The following TUBGCP6 variants were observed in gnomAD, a reference collection of about 807,000 sequenced individuals.
TUBGCP6 encodes tubulin gamma complex component 6.
In TUBGCP6, 161 loss-of-function variants were observed where a neutral mutation model predicts 175.8. The ratio of observed to expected loss-of-function variants is 0.92; its 90% CI spans 0.81 to 1.04. TUBGCP6 has a LOEUF of 1.04. Among genes scored for constraint, TUBGCP6 ranks in the 50% least tolerant of loss-of-function variants. The probability of loss-of-function intolerance (pLI) is 0.00; values close to 1 mark genes in which losing one functional copy is unlikely to be tolerated. For missense variants in TUBGCP6, 2,572 were observed against 2,433.0 expected (o/e 1.06, Z -1.20); for synonymous variants, 1,173 against 1,030.5 (o/e 1.14, Z -2.65).
rs907877614 is a variant in TUBGCP6, at chr22:50,220,352, C to T, written c.4007G>A (p.Cys1336Tyr). 1 of 1,540,894 alleles carries T rather than the reference C, an allele frequency of 6.5e-7. No individual in the cohort carries two copies. Residue 1336 changes from cysteine to tyrosine, a missense_variant, in exon 16 of 25, where the codon TGC (cysteine) becomes TAC (tyrosine). Transcript: ENST00000248846. ...CCCCACGCTGATGCTCCCCTCCCCG[C>T]AGCCCGAGCTGGGGGAGGACAGAGA... ...GPSLSSPSSGCGEGSISVGEN... is the reference protein window; with the variant it reads ...GPSLSSPSSGYGEGSISVGEN...
At chr22:50,240,495 T>C in intron 1 of TUBGCP6, 128 bp from the exon 2 acceptor site, 1 of 1,129,196 alleles carries the variant, frequency 8.9e-7, no homozygotes, top group Non-Finnish European at 1.3e-6. Context: ...CTCAAGCGCA[T>C]GTGTACCATA....
intron 1 of TUBGCP6, 25 bp downstream of exon 1, chr22:50,243,694 A>T: frequency 6.3e-7 from 1 of 1,577,524 alleles, no homozygotes; most frequent in Non-Finnish European, 8.6e-7. Context: ...GAGAGAGATG[A>T]AAGAGGAAAA....
chr22:50,222,131 C>T lies in TUBGCP6; in HGVS notation c.2410-29G>A, dbSNP rs1299774317. The T allele has an allele frequency of 1.9e-6, 3 of 1,609,370 alleles. No homozygotes were observed. In the African/African-American group the frequency reaches 4.0e-5, roughly 21 times the overall value. On this transcript the variant is annotated intron_variant, in intron 14 of 24. Coordinates refer to ENST00000248846, the MANE Select transcript of TUBGCP6 (RefSeq NM_020461.4). ...AAATTCAAGCCAGAGGGGTGACTGG[C>T]CAAGCCGGAGTCAAGCACAGCCCTA...
At chr22:50,243,617 CAAA>C (rs375302946) in intron 1 of TUBGCP6, 99 bp downstream of exon 1, 880 of 548,650 alleles carry the variant, frequency 1.6e-3, no homozygotes, top group Admixed American at 2.9e-3. Context: ...GACACTGTCT[CAAA>C]AAAAAAAAAA....
At chr22:50,232,252 G>C (rs532027375) in intron 3 of TUBGCP6, among the ~76,000 whole-genome samples, 2 of 151,752 alleles carry the variant, frequency 1.3e-5, no homozygotes, top group Non-Finnish European at 2.9e-5. Flanking sequence ...TGTAATCCCA[G>C]CTACTCGGGA....
intron 2 of TUBGCP6, among the ~76,000 whole-genome samples, chr22:50,236,005 A>C (rs573563657): frequency 8.0e-4 from 122 of 152,184 alleles, no homozygotes; most frequent in African/African-American, 2.8e-3. Context: ...TTTCCTGCAG[A>C]CTTGCTGTGC....
chr22:50,244,012 A>G lies in TUBGCP6; in HGVS notation c.448T>C (p.Cys150Arg). ...GRNVPYSGYD[C>R]DDLSVFEMDV... The stretch of plus-strand genomic sequence containing the variant: ...ATCTCAAACACACTCAGGTCGTCGC[A>G]ATCATAGCCGCTGTACGGAACGTTT... The change falls in exon 1 of 25, where the codon TGC becomes CGC. Residue 150 changes from cysteine (C) to arginine (R), a missense_variant. Transcript: ENST00000248846. 6.2e-7 allele frequency: 1 copy of G among 1,614,156 alleles called. No homozygotes were observed. Among genetic ancestry groups the G allele is most frequent in the Non-Finnish European group, 8.5e-7 (1 of 1,180,042 alleles).
At position 50,222,028 on chromosome 22, in the gene TUBGCP6, C is replaced by G. The variant is rs752200652; in HGVS notation, c.2484G>C (p.Gln828His). 6.2e-7 allele frequency: 1 copy of G among 1,613,868 alleles called. No homozygotes were observed. The highest frequency in any genetic ancestry group is 1.7e-5 in the Admixed American group (1 of 60,030). ...CCCTGGGTTCCACTCTGCCGCTTACCTGGGGGTGCACGCTCAAGAGGACGT... is the reference window on the plus strand; with the variant it reads ...CCCTGGGTTCCACTCTGCCGCTTACGTGGGGGTGCACGCTCAAGAGGACGT... ...PPDVLLSVHP[Q>H]VTSPGPEHPE... The change falls in exon 15 of 25, where the codon CAG (glutamine) becomes CAC (histidine). Residue 828 changes from glutamine to histidine, a missense_variant and splice_region_variant. Gln to His is a conservative substitution (Grantham distance 24). Coordinates refer to ENST00000248846, the MANE Select transcript of TUBGCP6 (RefSeq NM_020461.4).
At chr22:50,231,722 G>T (rs192839591) in intron 3 of TUBGCP6, among the ~76,000 whole-genome samples, 3 of 151,662 alleles carry the variant, frequency 2.0e-5, no homozygotes, top group South Asian at 2.1e-4. Context: ...AGACGGGCGC[G>T]GTGGCGGGTG....
intron 12 of TUBGCP6, 23 bp from the exon 13 acceptor site, chr22:50,224,279 C>T: frequency 9.9e-6 from 16 of 1,614,188 alleles, no homozygotes; most frequent in Non-Finnish European, 1.4e-5. Context: ...TAGAGCCTGG[C>T]CTGTGAAATC....
At chr22:50,227,648 G>C (rs1376482010) in intron 5 of TUBGCP6, among the ~76,000 whole-genome samples, 1 of 152,210 alleles carries the variant, frequency 6.6e-6, no homozygotes, top group Admixed American at 6.5e-5. Context: ...ACATCTCCAG[G>C]GACCCTGTGT....
rs2064479938 is a variant in TUBGCP6, at chr22:50,219,544, C to G, written c.4316-88G>C. 3 of 1,584,622 alleles carry G rather than the reference C, an allele frequency of 1.9e-6. No individual in the cohort carries two copies. In the South Asian group the frequency reaches 3.4e-5, roughly 18 times the overall value. ...CAGGAGATGGAGCACGTGCTGGGAA[C>G]TGGCTAGCCCAGGGCTCCGCCCCAA... On this transcript the variant is annotated intron_variant, in intron 18 of 24. Coordinates refer to ENST00000248846, the MANE Select transcript of TUBGCP6 (RefSeq NM_020461.4).
chr22:50,221,021 G>C lies in TUBGCP6; in HGVS notation c.3338C>G (p.Ala1113Gly). The C allele has an allele frequency of 2.5e-6, 4 of 1,612,136 alleles. No individual in the cohort carries two copies. The highest frequency in any genetic ancestry group is 3.4e-6 in the Non-Finnish European group (4 of 1,179,584). ...CACATTCTCCCCGACCCTGATGCTG[G>C]CGTTGGACACATGTCCATGGATGTT... ...RWNIHGHVSN[A>G]SIRVGENVSD... is the part of the protein sequence containing the mutation. The change falls in exon 16 of 25, where the codon GCC becomes GGC. Residue 1113 changes from alanine (A) to glycine (G), a missense_variant. Coordinates refer to ENST00000248846, the MANE Select transcript of TUBGCP6 (RefSeq NM_020461.4).
rs750599624 is a variant in TUBGCP6 at position 50,224,210 on chromosome 22, T to G, written c.2201A>C (p.Tyr734Ser). 6.2e-7 allele frequency: 1 copy of G among 1,614,004 alleles called. No individual in the cohort carries two copies. Among genetic ancestry groups the G allele is most frequent in the Non-Finnish European group, 8.5e-7 (1 of 1,180,034 alleles). Residue 734 changes from tyrosine to serine, a missense_variant, in exon 13 of 25, where the codon TAC becomes TCC. Coordinates refer to ENST00000248846, the MANE Select transcript of TUBGCP6 (RefSeq NM_020461.4). ...RQEELDDDFS[Y>S]ARELRDRERR... ...CTCCCTGTCTCGGAGTTCACGGGCG[T>G]AGCTGAAGTCATCATCCAGCTCCTC... is the stretch of plus-strand genomic sequence containing the variant.
chr22:50,232,217 T>G (rs2064702229), intron 3 of TUBGCP6, among the ~76,000 whole-genome samples: 1 of 150,772 alleles, frequency 6.6e-6, no homozygotes, highest in Non-Finnish European at 1.5e-5. Flanking sequence ...AATACAAAAA[T>G]TAGCCAGCCG....
intron 7 of TUBGCP6, 101 bp downstream of exon 7, chr22:50,226,632 G>A (rs1300716163): frequency 1.6e-5 from 18 of 1,100,734 alleles, no homozygotes; most frequent in African/African-American, 3.1e-5. Flanking sequence ...TCCCCTTCCT[G>A]TGTGACCCCC....
chr22:50,226,868 G>A lies in TUBGCP6; in HGVS notation c.1492-26C>T, dbSNP rs1191009189. On this transcript the variant is annotated intron_variant, in intron 6 of 24. Transcript: ENST00000248846. ...CTGCAGACCGCAAAGGGGGTGGGGGGCAGCTCAGCGCACCCAGCGCTGGGA... is the reference window on the plus strand; with the variant it reads ...CTGCAGACCGCAAAGGGGGTGGGGGACAGCTCAGCGCACCCAGCGCTGGGA... 4 of 1,562,304 alleles carry A rather than the reference G, an allele frequency of 2.6e-6. No individual in the cohort carries two copies. The Admixed American group carries it at 5.8e-5, about 23-fold the overall frequency.
Position 50,218,007 on chromosome 22 carries a change from C to A in TUBGCP6, c.5279G>T (p.Gly1760Val), listed in dbSNP as rs780595359. 6.2e-7 allele frequency: 1 copy of A among 1,612,336 alleles called. No individual in the cohort carries two copies. ...GGGGTGCTCTGCACCCCGCGGGCCC[C>A]CAGGGGGCCCCCAGGCCTGGGAGAT... ...QLISQAWGPP[G>V]GPRGAEHPNF... The change falls in exon 24 of 25, where the codon GGG (glycine) becomes GTG (valine). Residue 1760 changes from glycine to valine, a missense_variant. Transcript: ENST00000248846.
In TUBGCP6 at chr22:50,227,919, C is replaced by G; in HGVS notation, c.1400G>C (p.Gly467Ala). ...TGCTGAGGCTCACCTGAGCTGCCGG[C>G]CAAGTTTCTTGAAGAGAAAACCAAT... ...LTIGFLFKKLGRQLRYLAELC... is the reference protein window; with the variant it reads ...LTIGFLFKKLARQLRYLAELC... The change falls in exon 5 of 25, where the codon GGC becomes GCC. Residue 467 changes from glycine to alanine, a missense_variant. By Grantham distance (60) the Gly-to-Ala change is moderately conservative. Transcript: ENST00000248846. 1 of 1,575,710 alleles carries G rather than the reference C, an allele frequency of 6.3e-7. No homozygotes were observed. The highest frequency in any genetic ancestry group is 8.6e-7 in the Non-Finnish European group (1 of 1,160,372).
Sources: allele counts gnomAD v4.1 joint callset (sites outside exome capture counted in the v4.1 genomes callset), GRCh38; gene constraint gnomAD v4.1.1; transcripts MANE v1.5; gene names NCBI Gene and HGNC (gene_info 2026-07-23, HGNC 2026-07-21).